ATG13: variants seen among roughly 807,000 people sequenced by gnomAD.
ATG13 encodes the protein autophagy related 13.
In ATG13, 23 loss-of-function variants were observed where a neutral mutation model predicts 65.5. That is an observed-to-expected ratio of 0.35 (90% confidence interval 0.25 to 0.50). The LOEUF is 0.50. Among genes scored for constraint, ATG13 ranks in the 20% least tolerant of loss-of-function variants. The pLI, the probability that ATG13 is intolerant of heterozygous loss-of-function variation, is 0.98. For missense variants in ATG13, 566 were observed against 677.0 expected, an observed-to-expected ratio of 0.84 and a Z score of 1.82; for synonymous variants, 252 against 245.2, an observed-to-expected ratio of 1.03 and a Z score of -0.26.
At chr11:46,623,323 G>C (rs1051282991) in intron 1 of ATG13, among the ~76,000 whole-genome samples, 2 of 152,096 alleles carry the variant, frequency 1.3e-5, no homozygotes, top group Non-Finnish European at 2.9e-5. Context: ...TTTGAAGTAC[G>C]TCCATAAAGA....
At chr11:46,653,725 A>G (rs1173003415) in intron 7 of ATG13, among the ~76,000 whole-genome samples, 1 of 151,430 alleles carries the variant, frequency 6.6e-6, no homozygotes, top group East Asian at 2.0e-4. Context: ...ACCCGCCACC[A>G]CGCCCGGCTA....
intron 11 of ATG13, 42 bp downstream of exon 11, chr11:46,659,527 A>G (rs1477116368): frequency 2.0e-6 from 3 of 1,494,274 alleles, no homozygotes; most frequent in East Asian, 2.3e-5. Context: ...GTTATTTGGT[A>G]TATATATGGG....
At chr11:46,641,979 G>A (rs1017540132) in intron 2 of ATG13, among the ~76,000 whole-genome samples, 1 of 151,954 alleles carries the variant, frequency 6.6e-6, no homozygotes, top group Non-Finnish European at 1.5e-5. Context: ...GTTGTGCCAT[G>A]TTGTCCAGGC....
At chr11:46,620,092 TTTG>T (rs1045294435) in intron 1 of ATG13, among the ~76,000 whole-genome samples, 10 of 151,976 alleles carry the variant, frequency 6.6e-5, no homozygotes, top group Middle Eastern at 3.4e-3. Flanking sequence ...GTCTGTGTTT[TTTG>T]TTGTTGTTTT....
intron 1 of ATG13, among the ~76,000 whole-genome samples, chr11:46,624,153 C>T (rs182949448): frequency 1.8e-4 from 27 of 151,932 alleles, no homozygotes; most frequent in African/African-American, 5.8e-4. Flanking sequence ...TACAGGCATG[C>T]GTCACCACAC....
At chr11:46,667,690 C>G in intron 14 of ATG13, 83 bp from the exon 15 acceptor site, 1 of 1,080,100 alleles carries the variant, frequency 9.3e-7, no homozygotes, top group Non-Finnish European at 1.4e-6. Flanking sequence ...AGGCCACAGC[C>G]CCACCAGATG....
intron 2 of ATG13, among the ~76,000 whole-genome samples, chr11:46,641,782 GA>G (rs2056116661): frequency 7.1e-6 from 1 of 140,932 alleles, no homozygotes; most frequent in Non-Finnish European, 1.5e-5. Context: ...TTTCGTGACA[GA>G]GTTTTTTACT....
intron 1 of ATG13, among the ~76,000 whole-genome samples, chr11:46,622,257 A>G (rs1191605463): frequency 6.6e-6 from 1 of 151,098 alleles, no homozygotes; most frequent in African/African-American, 2.4e-5. Context: ...AGCTGGGACT[A>G]CAGGCGCCCA....
chr11:46,668,196 G>T (rs1225259121), intron 15 of ATG13, among the ~76,000 whole-genome samples: 1 of 152,186 alleles, frequency 6.6e-6, no homozygotes, highest in Non-Finnish European at 1.5e-5. Flanking sequence ...ATTGAACTAG[G>T]AGGTTCCTCC....
At chr11:46,636,948 C>T (rs1240433142) in intron 2 of ATG13, among the ~76,000 whole-genome samples, 1 of 151,906 alleles carries the variant, frequency 6.6e-6, no homozygotes, top group East Asian at 1.9e-4. Flanking sequence ...AGGATGGTCT[C>T]GATCTCTTGA....
chr11:46,622,076 C>A (rs56747740), intron 1 of ATG13, among the ~76,000 whole-genome samples: 1 of 71,846 alleles, frequency 1.4e-5, no homozygotes, highest in African/African-American at 4.5e-5. Flanking sequence ...TATTTATTTA[C>A]ATATATATAT....
intron 1 of ATG13, among the ~76,000 whole-genome samples, chr11:46,629,614 C>A (rs1441502359): frequency 6.6e-6 from 1 of 152,096 alleles, no homozygotes; most frequent in Admixed American, 6.6e-5. Flanking sequence ...TCAGGCTGGT[C>A]TCGAACTCCT....
chr11:46,629,451 C>T (rs528419858), intron 1 of ATG13, among the ~76,000 whole-genome samples: 1 of 152,174 alleles, frequency 6.6e-6, no homozygotes, highest in Admixed American at 6.5e-5. Context: ...GGCTGGAGTG[C>T]AATTGCATGA....
chr11:46,661,529 A>AG (rs1266269595), intron 11 of ATG13, among the ~76,000 whole-genome samples: 1 of 151,356 alleles, frequency 6.6e-6, no homozygotes, highest in Non-Finnish European at 1.5e-5. Context: ...AAAAAAAAAA[A>AG]AAAAAAGTCA....
At chr11:46,646,052 A>T (rs1050920585) in intron 5 of ATG13, 63 bp downstream of exon 5, 1 of 1,594,496 alleles carries the variant, frequency 6.3e-7, no homozygotes, top group African/African-American at 1.3e-5. Flanking sequence ...CTCTGAGTCC[A>T]GTTCATTTCT....
Position 46,664,905 on chromosome 11 carries a change from C to A in ATG13, c.945C>A (p.Asp315Glu). ...CTGCCCTGGGCGTTGGATCAGCTGA[C>A]CTGGCTTATCCAGTAGTGTTTGCTG... ...QPAALGVGSA[D>E]LAYPVVFAAG... Residue 315 changes from aspartate to glutamate, a missense_variant, in exon 13 of 19, where the codon GAC becomes GAA. Coordinates refer to ENST00000683050, the MANE Select transcript of ATG13 (RefSeq NM_001346311.2). 6.2e-7 allele frequency: 1 copy of A among 1,614,016 alleles called. No individual in the cohort carries two copies. Among genetic ancestry groups the A allele is most frequent in the Non-Finnish European group, 8.5e-7 (1 of 1,179,884 alleles).
intron 18 of ATG13, among the ~76,000 whole-genome samples, chr11:46,671,333 A>G (rs1221148078): frequency 3.3e-5 from 5 of 152,338 alleles, no homozygotes; most frequent in Non-Finnish European, 7.3e-5. Context: ...ATTTTTATTA[A>G]TAGTTGATAC....
intron 1 of ATG13, among the ~76,000 whole-genome samples, chr11:46,627,282 G>A (rs1158178076): frequency 6.6e-6 from 1 of 151,994 alleles, no homozygotes; most frequent in African/African-American, 2.4e-5. Flanking sequence ...GGGAGGCTGA[G>A]GCAGAAGAAT....
chr11:46,665,067 C>A, intron 13 of ATG13, 108 bp downstream of exon 13: 2 of 1,144,200 alleles, frequency 1.7e-6, no homozygotes, highest in Non-Finnish European at 2.5e-6. Context: ...GTGCTATATT[C>A]TGAAGCAAAA....
Sources: allele counts gnomAD v4.1 joint callset (sites outside exome capture counted in the v4.1 genomes callset), GRCh38; gene constraint gnomAD v4.1.1; transcripts MANE v1.5; gene names NCBI Gene and HGNC (gene_info 2026-07-23, HGNC 2026-07-21).